Variants in CDC14A observed in about 807,000 individuals in gnomAD.
The protein encoded by CDC14A is cell division cycle 14A.
Under a neutral mutation model 74.4 loss-of-function variants are expected in CDC14A, and 53 were observed. The ratio of observed to expected loss-of-function variants is 0.71; its 90% CI spans 0.57 to 0.89. The LOEUF (loss-of-function observed/expected upper bound fraction) is 0.89, where lower values mean the gene tolerates loss of function less well. Among genes scored for constraint, CDC14A ranks in the 40% least tolerant of loss-of-function variants. The probability of loss-of-function intolerance (pLI) is 0.00; values close to 1 mark genes in which losing one functional copy is unlikely to be tolerated. For missense variants in CDC14A, 646 were observed against 713.7 expected (o/e 0.91, Z 1.08); for synonymous variants, 247 against 258.4 (o/e 0.96, Z 0.43).
intron 15 of CDC14A, among the ~76,000 whole-genome samples, chr1:100,514,521 G>A (rs1227168095): frequency 6.6e-6 from 1 of 152,128 alleles, no homozygotes; most frequent in Non-Finnish European, 1.5e-5. Context: ...GATTGAATAT[G>A]TAGTGATCAC....
intron 5 of CDC14A, among the ~76,000 whole-genome samples, 154 bp from the exon 6 acceptor site, chr1:100,439,778 A>T (rs1241185143): frequency 6.6e-6 from 1 of 152,238 alleles, no homozygotes. Flanking sequence ...TAAGTGTGGT[A>T]GTTAATTAGT....
At chr1:100,441,861 A>G (rs1334166938) in intron 6 of CDC14A, among the ~76,000 whole-genome samples, 1 of 152,068 alleles carries the variant, frequency 6.6e-6, no homozygotes, top group Non-Finnish European at 1.5e-5. Context: ...CATATGAATT[A>G]CCCTAAGTGT....
At chr1:100,456,525 C>G (rs1006601432) in intron 8 of CDC14A, among the ~76,000 whole-genome samples, 2 of 151,050 alleles carry the variant, frequency 1.3e-5, no homozygotes, top group Non-Finnish European at 2.9e-5. Flanking sequence ...TATTCTTCAG[C>G]TGGGCATGGT....
At chr1:100,509,215 A>G (rs541355943) in intron 15 of CDC14A, among the ~76,000 whole-genome samples, 2 of 152,264 alleles carry the variant, frequency 1.3e-5, no homozygotes, top group African/African-American at 2.4e-5. Flanking sequence ...GAGTTGGGCT[A>G]AGTCTAACCT....
At chr1:100,490,479 A>G (rs1022109955) in intron 11 of CDC14A, among the ~76,000 whole-genome samples, 1 of 152,168 alleles carries the variant, frequency 6.6e-6, no homozygotes, top group African/African-American at 2.4e-5. Context: ...TTTACATTTT[A>G]GTAGATTTTT....
intron 3 of CDC14A, among the ~76,000 whole-genome samples, chr1:100,380,331 C>T (rs1170363277): frequency 6.6e-6 from 1 of 152,194 alleles, no homozygotes; most frequent in Non-Finnish European, 1.5e-5. Context: ...CTCTTGACCA[C>T]ATTTTTCCTG....
chr1:100,504,211 C>G (rs552491027), intron 15 of CDC14A, among the ~76,000 whole-genome samples: 3 of 152,270 alleles, frequency 2.0e-5, no homozygotes, highest in Non-Finnish European at 4.4e-5. Flanking sequence ...ATAAGTGAAA[C>G]TTATTATAGC....
intron 9 of CDC14A, 94 bp from the exon 10 acceptor site, chr1:100,467,861 AT>A: frequency 8.3e-7 from 1 of 1,202,630 alleles, no homozygotes; most frequent in Admixed American, 2.6e-5. Flanking sequence ...TCACACTTGA[AT>A]GCAGAGCAGT....
chr1:100,384,481 T>G (rs17122359), intron 3 of CDC14A, among the ~76,000 whole-genome samples: 2,317 of 152,346 alleles, frequency 0.015, 61 homozygotes, highest in African/African-American at 0.053. Context: ...TCCTCTGTTT[T>G]TAATAAGCCT....
chr1:100,352,969 A>G lies in CDC14A; in HGVS notation c.15A>G (p.Ser5=), dbSNP rs749836346. 3.1e-6 allele frequency: 5 copies of G among 1,613,966 alleles called. No individual in the cohort carries two copies. Among genetic ancestry groups the G allele is most frequent in the Non-Finnish European group, 4.2e-6 (5 of 1,180,028 alleles). Reference sequence around the variant, plus strand: ...TCTCGCTTAAGATGGCAGCGGAGTCAGGGGAACTAATCGGGGCTTGTGAGT... The same window carrying G: ...TCTCGCTTAAGATGGCAGCGGAGTCGGGGGAACTAATCGGGGCTTGTGAGT... MAAE[S]GELIGACEFM... The change falls in exon 1 of 16, where the codon TCA becomes TCG. Residue 5 remains serine, a synonymous_variant. Transcript: ENST00000336454.
intron 4 of CDC14A, among the ~76,000 whole-genome samples, chr1:100,405,893 C>G (rs911607665): frequency 2.0e-5 from 3 of 152,066 alleles, no homozygotes; most frequent in African/African-American, 7.2e-5. Flanking sequence ...GGGTATATAC[C>G]CAGTAATGGG....
chr1:100,481,433 G>A (rs750591549), intron 10 of CDC14A, among the ~76,000 whole-genome samples: 19 of 152,180 alleles, frequency 1.2e-4, no homozygotes, highest in Admixed American at 2.0e-4. Context: ...CTTCCATTGT[G>A]TTCTGGACTC....
chr1:100,493,213 G>A (rs1647253645), intron 11 of CDC14A, among the ~76,000 whole-genome samples: 1 of 152,172 alleles, frequency 6.6e-6, no homozygotes, highest in African/African-American at 2.4e-5. Context: ...TGGTACAAAA[G>A]CACCCAGTTG....
rs1423716960 is a variant in CDC14A, at chr1:100,519,439, T to C, written c.*1159T>C. The stretch of plus-strand genomic sequence containing the variant: ...TTCAGAAGCCTGTAGGTTTCATTTC[T>C]ATGAGGAATCGAGGAGCGTTACATC... On this transcript the variant is annotated 3_prime_UTR_variant, in exon 16 of 16. Coordinates refer to ENST00000336454, the MANE Select transcript of CDC14A (RefSeq NM_003672.4). 1 of 152,162 alleles carries C rather than the reference T, an allele frequency of 6.6e-6. No homozygotes were observed. The highest frequency in any genetic ancestry group is 2.4e-5 in the African/African-American group (1 of 41,462). The allele number at this position is 152,162 out of a possible 1,614,324, so 9.4% of individuals were successfully genotyped here. A position where few individuals can be genotyped will look rare whatever the true frequency, so the allele number is the denominator to read the frequency against.
chr1:100,435,277 G>T (rs1410392696), intron 5 of CDC14A, among the ~76,000 whole-genome samples: 1 of 152,144 alleles, frequency 6.6e-6, no homozygotes, highest in African/African-American at 2.4e-5. Flanking sequence ...AGAGAAGAGA[G>T]CAAAGTAGGG....
intron 8 of CDC14A, among the ~76,000 whole-genome samples, chr1:100,459,772 A>C (rs1042473968): frequency 2.6e-5 from 4 of 152,182 alleles, no homozygotes; most frequent in African/African-American, 7.2e-5. Context: ...GGCACATTAT[A>C]CACATTGCTA....
At chr1:100,489,560 C>G (rs1370980551) in intron 11 of CDC14A, among the ~76,000 whole-genome samples, 2 of 144,288 alleles carry the variant, frequency 1.4e-5, no homozygotes, top group East Asian at 4.1e-4. Flanking sequence ...GTTGTTTGTT[C>G]TTTCACTAGG....
chr1:100,345,026 G>A (rs935026464), exon 1 of CDC14A: 5 of 152,188 alleles, frequency 3.3e-5, no homozygotes, highest in African/African-American at 1.2e-4. Flanking sequence ...GTGAGTGAGA[G>A]CAGGGGAATT....
At chr1:100,392,451 GTCTT>G (rs971032684) in intron 4 of CDC14A, among the ~76,000 whole-genome samples, 6 of 151,408 alleles carry the variant, frequency 4.0e-5, no homozygotes, top group Admixed American at 6.6e-5. Context: ...CTCTTCGCAC[GTCTT>G]TCTTTTTTTT....
Sources: allele counts gnomAD v4.1 joint callset (sites outside exome capture counted in the v4.1 genomes callset), GRCh38; gene constraint gnomAD v4.1.1; transcripts MANE v1.5; gene names NCBI Gene and HGNC (gene_info 2026-07-23, HGNC 2026-07-21).